HTR2C: variants seen among roughly 807,000 people sequenced by gnomAD.
HTR2C encodes the protein 5-hydroxytryptamine (serotonin) receptor 2C, G protein-coupled.
HTR2C carries 5 observed loss-of-function variants against 21.0 expected under a neutral mutation model. That is an observed-to-expected ratio of 0.24 (90% CI 0.12 to 0.50). The LOEUF is 0.50. Ranked by LOEUF, HTR2C falls within the 20% of genes least tolerant of loss-of-function variation. The probability of loss-of-function intolerance (pLI) is 0.98; values close to 1 mark genes in which losing one functional copy is unlikely to be tolerated. For synonymous variants in HTR2C, 150 were observed against 145.3 expected, an observed-to-expected ratio of 1.03 and a Z score of -0.23; for missense variants, 271 against 371.2, an observed-to-expected ratio of 0.73 and a Z score of 2.22.
At chrX:114,813,254 G>T (rs1346258279) in intron 4 of HTR2C, among the ~76,000 whole-genome samples, 2 of 111,872 alleles carry the variant, frequency 1.8e-5, no homozygotes, top group African/African-American at 6.5e-5. Flanking sequence ...ACAATTTAGT[G>T]GGGGCGATCC....
intron 2 of HTR2C, among the ~76,000 whole-genome samples, chrX:114,693,559 T>C (rs1932172961): frequency 9.0e-6 from 1 of 111,694 alleles, no homozygotes; most frequent in Non-Finnish European, 1.9e-5. Flanking sequence ...TGTTTCTTTG[T>C]TGTGGAGGGT....
chrX:114,835,258 G>T (rs1301776765), intron 4 of HTR2C, among the ~76,000 whole-genome samples: 1 of 97,337 alleles, frequency 1.0e-5, no homozygotes, highest in African/African-American at 3.7e-5. Context: ...GGCCTGCCTT[G>T]CTAGATTGGG....
chrX:114,609,080 G>A (rs1289368736), intron 1 of HTR2C, among the ~76,000 whole-genome samples: 2 of 111,645 alleles, frequency 1.8e-5, no homozygotes, highest in African/African-American at 6.5e-5. Flanking sequence ...TACTTCTCTT[G>A]CAACAGTGGT....
intron 5 of HTR2C, among the ~76,000 whole-genome samples, chrX:114,865,306 C>T (rs1015732808): frequency 1.6e-3 from 184 of 111,598 alleles, no homozygotes; most frequent in African/African-American, 5.5e-3. Context: ...TTTTTATAGA[C>T]GTGGTTTATT....
chrX:114,848,014 C>T lies in HTR2C; in HGVS notation c.361C>T (p.Pro121Ser). The T allele has an allele frequency of 8.3e-7, 1 of 1,202,169 alleles. No individual in the cohort carries two copies. The highest frequency in any genetic ancestry group is 1.1e-6 in the Non-Finnish European group (1 of 887,312). The change falls in exon 5 of 6, where the codon CCA (proline) becomes TCA (serine). Residue 121 changes from proline to serine, a missense_variant. Transcript: ENST00000276198. ...LLAILYDYVW[P>S]LPRYLCPVWI... ...CTGTTCTCTTTCAGATTATGTCTGG[C>T]CACTACCTAGATATTTGTGCCCCGT...
At chrX:114,679,602 G>A (rs1300122655) in intron 2 of HTR2C, among the ~76,000 whole-genome samples, 8 of 111,485 alleles carry the variant, frequency 7.2e-5, no homozygotes, top group African/African-American at 2.6e-4. Flanking sequence ...TTTTAAAAGC[G>A]AAGATGACCT....
intron 5 of HTR2C, among the ~76,000 whole-genome samples, chrX:114,850,426 A>G (rs1454383159): frequency 9.0e-6 from 1 of 111,077 alleles, no homozygotes; most frequent in Non-Finnish European, 1.9e-5. Flanking sequence ...AAAAAAATTA[A>G]TTAATTAAAA....
intron 2 of HTR2C, among the ~76,000 whole-genome samples, chrX:114,721,452 TC>T (rs1303069257): frequency 1.1e-5 from 1 of 93,220 alleles, no homozygotes; most frequent in African/African-American, 4.0e-5. Context: ...GAAAATTTTC[TC>T]CCATTTTGTA....
At chrX:114,893,427 A>G (rs1204302335) in intron 5 of HTR2C, among the ~76,000 whole-genome samples, 3 of 111,666 alleles carry the variant, frequency 2.7e-5, no homozygotes, top group Non-Finnish European at 5.6e-5. Context: ...AGTTTTCCAA[A>G]AAAAGTGCCA....
intron 5 of HTR2C, among the ~76,000 whole-genome samples, chrX:114,860,086 A>G (rs1569500587): frequency 1.8e-5 from 2 of 111,513 alleles, no homozygotes; most frequent in South Asian, 7.3e-4. Flanking sequence ...TATGGTTTAC[A>G]GTGATAAATG....
intron 2 of HTR2C, among the ~76,000 whole-genome samples, chrX:114,644,390 T>A (rs1399299781): frequency 3.3e-4 from 27 of 82,725 alleles, no homozygotes; most frequent in Non-Finnish European, 4.4e-4. Flanking sequence ...TATATATATA[T>A]ATATATATAT....
intron 2 of HTR2C, among the ~76,000 whole-genome samples, chrX:114,709,133 GTTA>G (rs1360861126): frequency 9.0e-6 from 1 of 111,628 alleles, no homozygotes; most frequent in Non-Finnish European, 1.9e-5. Context: ...AGTCATTTCT[GTTA>G]TTGGATGCAG....
intron 2 of HTR2C, among the ~76,000 whole-genome samples, chrX:114,693,441 A>G (rs1932169032): frequency 8.9e-6 from 1 of 111,981 alleles, no homozygotes; most frequent in Non-Finnish European, 1.9e-5. Context: ...AATTGGATAT[A>G]GACACCTCAG....
chrX:114,669,368 A>G (rs1931286987), intron 2 of HTR2C, among the ~76,000 whole-genome samples: 1 of 111,994 alleles, frequency 8.9e-6, no homozygotes, highest in Non-Finnish European at 1.9e-5. Context: ...TTGGAGAAGA[A>G]AAACTTCATA....
At chrX:114,591,873 T>C (rs782010312) in intron 1 of HTR2C, among the ~76,000 whole-genome samples, 3 of 111,864 alleles carry the variant, frequency 2.7e-5, no homozygotes, top group Non-Finnish European at 5.7e-5. Flanking sequence ...GGCAATTCAA[T>C]GTAATAATGT....
chrX:114,657,748 C>T lies in HTR2C; in HGVS notation c.-80+43867C>T, dbSNP rs192392613. Reference sequence around the variant, plus strand: ...TAAGTTTTAGGGTACTTGTGCACAACGTGCAGGTTAGTTACATATGTATTA... The same window carrying T: ...TAAGTTTTAGGGTACTTGTGCACAATGTGCAGGTTAGTTACATATGTATTA... On this transcript the variant is annotated intron_variant, in intron 2 of 5. Coordinates refer to ENST00000276198, the MANE Select transcript of HTR2C (RefSeq NM_000868.4). Among the ~76,000 whole-genome samples the T allele has an allele frequency of 4.9e-3, 541 of 111,117 alleles. 2 individuals carry two copies. The highest frequency in any genetic ancestry group is 0.017 in the African/African-American group (513 of 30,786).
intron 2 of HTR2C, among the ~76,000 whole-genome samples, chrX:114,693,982 T>C (rs1360084666): frequency 1.8e-5 from 2 of 111,610 alleles, no homozygotes; most frequent in Admixed American, 9.6e-5. Flanking sequence ...AATAATGGCA[T>C]GACCAAACAA....
chrX:114,750,615 T>C (rs1407162916), intron 4 of HTR2C, among the ~76,000 whole-genome samples: 4 of 111,986 alleles, frequency 3.6e-5, no homozygotes, highest in African/African-American at 1.3e-4. Flanking sequence ...GCAAACCATA[T>C]GAGTTAGATT....
chrX:114,739,977 C>T (rs919121467), intron 4 of HTR2C, among the ~76,000 whole-genome samples: 1 of 109,115 alleles, frequency 9.2e-6, no homozygotes, highest in African/African-American at 3.3e-5. Context: ...AGGGTGGTGG[C>T]GGGCACCTGT....
Sources: allele counts gnomAD v4.1 joint callset (sites outside exome capture counted in the v4.1 genomes callset), GRCh38; gene constraint gnomAD v4.1.1; transcripts MANE v1.5; gene names NCBI Gene and HGNC (gene_info 2026-07-23, HGNC 2026-07-21).